The following JADE1 variants were observed in gnomAD, a reference collection of about 807,000 sequenced individuals.
The protein encoded by JADE1 is jade family PHD finger 1, also known as protein Jade-1.
Under a neutral mutation model 81.8 loss-of-function variants are expected in JADE1, and 14 were observed. That is an observed-to-expected ratio of 0.17 (90% CI 0.11 to 0.27). The LOEUF is 0.27. JADE1 is among the 10% of genes least tolerant of loss of function. The pLI, the probability that JADE1 is intolerant of heterozygous loss-of-function variation, is 1.00. For missense variants in JADE1, 690 were observed against 1,047.9 expected, an observed-to-expected ratio of 0.66 and a Z score of 4.71; for synonymous variants, 353 against 391.9, an observed-to-expected ratio of 0.90 and a Z score of 1.17.
At position 128,872,361 on chromosome 4, in the gene JADE1, C is replaced by A; in HGVS notation, c.*99C>A. 1.0e-6 allele frequency: 1 copy of A among 969,606 alleles called. No homozygotes were observed. Among genetic ancestry groups the A allele is most frequent in the Non-Finnish European group, 1.5e-6 (1 of 647,170 alleles). 60.1% of individuals were successfully genotyped at this position (969,606 alleles called of 1,614,324 possible). ...GAAGCAGAAACCCATTAATCCTGAGCTACACAAACACATTTACTTGCAATT... is the reference window on the plus strand; with the variant it reads ...GAAGCAGAAACCCATTAATCCTGAGATACACAAACACATTTACTTGCAATT... On this transcript the variant is annotated 3_prime_UTR_variant, in exon 11 of 11. Transcript: ENST00000226319.
At chr4:128,825,430 G>A (rs1727971105) in intron 1 of JADE1, among the ~76,000 whole-genome samples, 1 of 152,126 alleles carries the variant, frequency 6.6e-6, no homozygotes, top group Non-Finnish European at 1.5e-5. Context: ...CCACGCCCAG[G>A]TCACTGAACT....
At chr4:128,848,037 C>T (rs114161293) in intron 4 of JADE1, among the ~76,000 whole-genome samples, 30 of 152,138 alleles carry the variant, frequency 2.0e-4, no homozygotes, top group Non-Finnish European at 3.5e-4. Context: ...TGTTAAAGGT[C>T]GGGAGAGATT....
chr4:128,831,962 A>C, intron 2 of JADE1, 152 bp downstream of exon 2: 1 of 708,952 alleles, frequency 1.4e-6, no homozygotes, highest in Non-Finnish European at 2.5e-6. Flanking sequence ...CCTGAGTGTG[A>C]TACTGCAGGT....
At chr4:128,821,389 G>A (rs990547554) in intron 1 of JADE1, among the ~76,000 whole-genome samples, 5 of 152,132 alleles carry the variant, frequency 3.3e-5, no homozygotes, top group Admixed American at 1.3e-4. Context: ...GCCATAGGTG[G>A]AAGGAATGGC....
At chr4:128,868,260 G>A (rs765273417) in intron 10 of JADE1, among the ~76,000 whole-genome samples, 12 of 152,256 alleles carry the variant, frequency 7.9e-5, no homozygotes, top group Middle Eastern at 3.4e-3. Context: ...TGGAGATATC[G>A]CAAGCTACCT....
At chr4:128,860,802 C>T (rs1261722643) in intron 8 of JADE1, among the ~76,000 whole-genome samples, 1 of 152,178 alleles carries the variant, frequency 6.6e-6, no homozygotes, top group African/African-American at 2.4e-5. Flanking sequence ...CTGGCCTCTA[C>T]GTTGACCTCC....
rs753602735 is a variant in JADE1 at position 128,852,054 on chromosome 4, C to A, written c.485-3C>A. On this transcript the variant is annotated splice_region_variant and splice_polypyrimidine_tract_variant and intron_variant, in intron 5 of 10. Coordinates refer to ENST00000226319, the MANE Select transcript of JADE1 (RefSeq NM_199320.4). Reference sequence around the variant, plus strand: ...ATGGGTTTTGTGGCATTTTTAACTTCAGGAATGCCTGAACTAGATGAATAC... The same window carrying A: ...ATGGGTTTTGTGGCATTTTTAACTTAAGGAATGCCTGAACTAGATGAATAC... The A allele has an allele frequency of 1.8e-5, 29 of 1,609,182 alleles. No homozygotes were observed. In the Middle Eastern group the frequency reaches 4.9e-4, roughly 27 times the overall value.
intron 2 of JADE1, among the ~76,000 whole-genome samples, chr4:128,832,477 G>A (rs1019205936): frequency 6.6e-6 from 1 of 152,226 alleles, no homozygotes; most frequent in Non-Finnish European, 1.5e-5. Flanking sequence ...ACCTAGCACA[G>A]TGCCTGAGCT....
At position 128,851,418 on chromosome 4, in the gene JADE1, C is replaced by T. The variant is rs576111404; in HGVS notation, c.485-639C>T. Among the ~76,000 whole-genome samples the T allele has an allele frequency of 2.2e-4, 33 of 152,200 alleles. 1 individual carries two copies. Among genetic ancestry groups the T allele is most frequent in the African/African-American group, 6.7e-4 (28 of 41,528 alleles). On this transcript the variant is annotated intron_variant, in intron 5 of 10. Transcript: ENST00000226319. ...GAAGTCATGGTTTTGAAGTCACTTA[C>T]GTGTTAGTTGTTATGTGTAATGAGT...
At position 128,872,279 on chromosome 4, in the gene JADE1, C is replaced by T. The variant is rs749676566; in HGVS notation, c.*17C>T. On this transcript the variant is annotated 3_prime_UTR_variant, in exon 11 of 11. Transcript: ENST00000226319. ...GCTTCTTGATGCAACAGAGATGATGCGGAAGCCCTTTGGGCTCGTCATTGG... is the reference window on the plus strand; with the variant it reads ...GCTTCTTGATGCAACAGAGATGATGTGGAAGCCCTTTGGGCTCGTCATTGG... The T allele has an allele frequency of 2.3e-5, 37 of 1,607,072 alleles. 1 individual carries two copies. The highest frequency in any genetic ancestry group is 5.5e-5 in the South Asian group (5 of 90,524).
At chr4:128,810,459 T>G in intron 1 of JADE1, 1 of 150,358 alleles carries the variant, frequency 6.7e-6, no homozygotes, top group South Asian at 2.1e-4. Flanking sequence ...GGTTTTTTTT[T>G]TTTTTTTTTT....
chr4:128,863,951 C>T (rs778979491), intron 9 of JADE1: 14 of 985,202 alleles, frequency 1.4e-5, no homozygotes, highest in Non-Finnish European at 1.7e-5. Flanking sequence ...CTTTTCTGTA[C>T]TTAAGTTACT....
chr4:128,824,870 G>A (rs1727903795), intron 1 of JADE1, among the ~76,000 whole-genome samples: 1 of 152,060 alleles, frequency 6.6e-6, no homozygotes, highest in African/African-American at 2.4e-5. Flanking sequence ...AAATCACTAG[G>A]TTGTAATCCT....
intron 2 of JADE1, among the ~76,000 whole-genome samples, chr4:128,832,864 C>T (rs1560740043): frequency 6.6e-6 from 1 of 152,228 alleles, no homozygotes; most frequent in African/African-American, 2.4e-5. Flanking sequence ...CCACCCTGTT[C>T]AGAAGAGGGG....
chr4:128,862,907 T>TGTGC, intron 9 of JADE1: 1 of 987,588 alleles, frequency 1.0e-6, no homozygotes, highest in Non-Finnish European at 1.2e-6. Flanking sequence ...TGTGTGTGTG[T>TGTGC]GTGTGTGCGC....
chr4:128,863,287 C>T, intron 9 of JADE1: 1 of 985,580 alleles, frequency 1.0e-6, no homozygotes. Flanking sequence ...CTTAGAGCAT[C>T]TTCCACATCA....
chr4:128,824,648 G>A lies in JADE1; in HGVS notation c.-26-7085G>A, dbSNP rs185188426. Among the ~76,000 whole-genome samples, 6 of 152,290 alleles carry A rather than the reference G, an allele frequency of 3.9e-5. No individual in the cohort carries two copies. The East Asian group carries it at 1.2e-3, about 29-fold the overall frequency. ...CATCTCAAATTCAATAAAGTGGAGT[G>A]AACATAAGGTAACAGTACGGGAACT... On this transcript the variant is annotated intron_variant, in intron 1 of 10. Transcript: ENST00000226319.
chr4:128,872,003 G>C lies in JADE1; in HGVS notation c.2270G>C (p.Gly757Ala). ...NWGGFRIPKK[G>A]ERQQQGEAHD... Reference sequence around the variant, plus strand: ...GGAGGATTCCGGATTCCAAAGAAGGGGGAACGGCAGCAGCAGGGAGAGGCC... The same window carrying C: ...GGAGGATTCCGGATTCCAAAGAAGGCGGAACGGCAGCAGCAGGGAGAGGCC... The change falls in exon 11 of 11, where the codon GGG (glycine) becomes GCG (alanine). Residue 757 changes from glycine to alanine, a missense_variant. Gly to Ala is a moderately conservative substitution (Grantham distance 60, BLOSUM62 0). Coordinates refer to ENST00000226319, the MANE Select transcript of JADE1 (RefSeq NM_199320.4). 1 of 1,613,964 alleles carries C rather than the reference G, an allele frequency of 6.2e-7. No homozygotes were observed. The highest frequency in any genetic ancestry group is 8.5e-7 in the Non-Finnish European group (1 of 1,179,930).
In JADE1 at chr4:128,855,675, C is replaced by T; in HGVS notation, c.742C>T (p.Arg248Trp). 6.2e-7 allele frequency: 1 copy of T among 1,614,018 alleles called. No individual in the cohort carries two copies. Among genetic ancestry groups the T allele is most frequent in the Non-Finnish European group, 8.5e-7 (1 of 1,179,914 alleles). ...GGTACCAGAGGGCAGCTGGCTGTGCCGGACATGTGCCCTGGGGGTTCAGCC... is the reference window on the plus strand; with the variant it reads ...GGTACCAGAGGGCAGCTGGCTGTGCTGGACATGTGCCCTGGGGGTTCAGCC... ...LKVPEGSWLC[R>W]TCALGVQPKC... Residue 248 changes from arginine (R) to tryptophan (W), a missense_variant, in exon 7 of 11, where the codon CGG (arginine) becomes TGG (tryptophan). Physicochemically the swap from Arg to Trp is moderately radical, Grantham distance 101. Around this residue, in one of 8 missense-constraint regions of JADE1, gnomAD observed 84 missense variants for 226.6 expected, o/e 0.37. Transcript: ENST00000226319.
Sources: gnomAD v4.1 joint callset for allele counts (sites outside exome capture counted in the v4.1 genomes callset) on GRCh38, gnomAD v4.1.1 for gene constraint, gnomAD v4.1.1 regional missense constraint, MANE v1.5 for transcripts, NCBI Gene and HGNC (gene_info 2026-07-23, HGNC 2026-07-21) for gene names.